Variants in ENPP2 observed in about 807,000 individuals in gnomAD.
The protein encoded by ENPP2 is ectonucleotide pyrophosphatase/phosphodiesterase 2, also known as autotaxin.
In ENPP2, 51 loss-of-function variants were observed where a neutral mutation model predicts 120.2. The ratio of observed to expected loss-of-function variants is 0.42; its 90% CI spans 0.34 to 0.54. The LOEUF is 0.54. Among genes scored for constraint, ENPP2 ranks in the 20% least tolerant of loss-of-function variants. The pLI is 0.04. For missense variants in ENPP2, 920 were observed against 1,066.5 expected (o/e 0.86, Z 1.91); for synonymous variants, 365 against 366.4 (o/e 1.00, Z 0.04).
intron 24 of ENPP2, among the ~76,000 whole-genome samples, chr8:119,561,841 A>G: frequency 6.6e-6 from 1 of 151,346 alleles, no homozygotes; most frequent in Non-Finnish European, 1.5e-5. Context: ...ATGTGTGTGT[A>G]TTAAAAAGTT....
At chr8:119,608,664 G>A (rs1157318625) in intron 8 of ENPP2, among the ~76,000 whole-genome samples, 1 of 152,118 alleles carries the variant, frequency 6.6e-6, no homozygotes, top group African/African-American at 2.4e-5. Context: ...CAGACAGTTT[G>A]GATTTTAAGC....
chr8:119,570,306 T>C (rs1202238655), intron 20 of ENPP2, among the ~76,000 whole-genome samples: 2 of 97,176 alleles, frequency 2.1e-5, no homozygotes, highest in Admixed American at 1.1e-4. Flanking sequence ...ATGCTGATAG[T>C]GGGGGAGGTT....
intron 1 of ENPP2, among the ~76,000 whole-genome samples, chr8:119,660,341 T>C (rs1817885910): frequency 6.6e-6 from 1 of 152,234 alleles, no homozygotes; most frequent in South Asian, 2.1e-4. Context: ...ATAGGTACTA[T>C]CATTATCTGT....
intron 10 of ENPP2, 130 bp from the exon 11 acceptor site, chr8:119,600,880 T>C (rs986264592): frequency 1.9e-5 from 12 of 631,122 alleles, no homozygotes; most frequent in African/African-American, 1.9e-4. Context: ...ACTATTCATG[T>C]TAGCATGAAA....
intron 19 of ENPP2, among the ~76,000 whole-genome samples, chr8:119,579,823 T>C (rs1263278082): frequency 6.6e-6 from 1 of 152,034 alleles, no homozygotes. Flanking sequence ...TTTATAGGAG[T>C]GCCCCACAGT....
At chr8:119,604,792 G>A (rs1342740872) in intron 9 of ENPP2, among the ~76,000 whole-genome samples, 1 of 151,754 alleles carries the variant, frequency 6.6e-6, no homozygotes, top group Non-Finnish European at 1.5e-5. Flanking sequence ...TTTATTTTTT[G>A]AGATGGAGTC....
intron 1 of ENPP2, among the ~76,000 whole-genome samples, chr8:119,655,107 T>A (rs1817730948): frequency 6.6e-6 from 1 of 152,176 alleles, no homozygotes; most frequent in Non-Finnish European, 1.5e-5. Context: ...AGAACACTTG[T>A]CAAGGGTAAG....
At chr8:119,588,892 G>A (rs1430409079) in intron 13 of ENPP2, among the ~76,000 whole-genome samples, 1 of 152,124 alleles carries the variant, frequency 6.6e-6, no homozygotes, top group East Asian at 1.9e-4. Flanking sequence ...TCCTCATTTT[G>A]TGTGAAGAAA....
At position 119,595,989 on chromosome 8, in the gene ENPP2, C is replaced by T. The variant is rs145333587; in HGVS notation, c.973-2129G>A. 5,287 of 1,613,890 alleles carry T rather than the reference C, an allele frequency of 3.3e-3. 102 individuals are homozygous for T. The Admixed American group carries it at 0.036, about 11-fold the overall frequency. On this transcript the variant is annotated intron_variant, in intron 11 of 24. Transcript: ENST00000075322. Reference sequence around the variant, plus strand: ...TCTCTTAGCCGGAGTAAAAGGTGAGCCATAACTACTCTCCTGTACTGGCGG... The same window carrying T: ...TCTCTTAGCCGGAGTAAAAGGTGAGTCATAACTACTCTCCTGTACTGGCGG...
rs149362338 is a variant in ENPP2, at chr8:119,617,296, T to C, written c.578-53A>G. The stretch of plus-strand genomic sequence containing the variant: ...CAAGAGAACCAACAGGAATTGCTTA[T>C]AGAAAATCCATTTTATAAACACTCA... On this transcript the variant is annotated intron_variant, in intron 6 of 24. Coordinates refer to ENST00000075322, the MANE Select transcript of ENPP2 (RefSeq NM_001040092.3). 7.3e-5 allele frequency: 103 copies of C among 1,420,108 alleles called. No homozygotes were observed. The African/African-American group carries it at 1.4e-3, about 19-fold the overall frequency. The allele number at this position is 1,420,108 out of a possible 1,614,324, so 88.0% of individuals were successfully genotyped here.
intron 8 of ENPP2, among the ~76,000 whole-genome samples, chr8:119,614,912 G>A (rs1306836794): frequency 6.6e-6 from 1 of 152,056 alleles, no homozygotes; most frequent in African/African-American, 2.4e-5. Context: ...AAAGACAGCA[G>A]AATCAGAGCA....
chr8:119,587,639 C>T (rs1813208160), intron 13 of ENPP2, among the ~76,000 whole-genome samples: 1 of 152,178 alleles, frequency 6.6e-6, no homozygotes, highest in Non-Finnish European at 1.5e-5. Context: ...CATGCACCTC[C>T]TTTATTTTCA....
intron 22 of ENPP2, among the ~76,000 whole-genome samples, chr8:119,566,421 T>C (rs1163835961): frequency 6.6e-6 from 1 of 152,214 alleles, no homozygotes; most frequent in African/African-American, 2.4e-5. Flanking sequence ...TCAATTGCTC[T>C]TCCTGCCTTC....
At chr8:119,588,742 T>C (rs1164247196) in intron 13 of ENPP2, among the ~76,000 whole-genome samples, 1 of 152,112 alleles carries the variant, frequency 6.6e-6, no homozygotes, top group Non-Finnish European at 1.5e-5. Flanking sequence ...AGTAAGTTCA[T>C]GGTCTTTGAC....
intron 5 of ENPP2, among the ~76,000 whole-genome samples, chr8:119,618,709 T>A (rs2130720693): frequency 6.6e-6 from 1 of 152,010 alleles, no homozygotes; most frequent in South Asian, 2.1e-4. Flanking sequence ...TTTGTATTTT[T>A]TTTTTAGTAG....
intron 18 of ENPP2, 112 bp downstream of exon 18, chr8:119,582,306 A>G: frequency 1.3e-6 from 1 of 790,028 alleles, no homozygotes; most frequent in Non-Finnish European, 2.0e-6. Context: ...AGTAGCTACC[A>G]TTTTGGACAG....
At chr8:119,598,541 ATTT>A (rs1814064099) in intron 11 of ENPP2, among the ~76,000 whole-genome samples, 2 of 152,144 alleles carry the variant, frequency 1.3e-5, no homozygotes, top group South Asian at 4.1e-4. Flanking sequence ...AAAAAAACTT[ATTT>A]GTTTCTTAAT....
chr8:119,623,737 T>G (rs778389641), intron 3 of ENPP2, among the ~76,000 whole-genome samples: 83 of 152,056 alleles, frequency 5.5e-4, no homozygotes, highest in Non-Finnish European at 8.8e-5. Flanking sequence ...GTGATTCTCC[T>G]GACTCAGCTT....
At chr8:119,564,559 T>A (rs1346091738) in intron 23 of ENPP2, among the ~76,000 whole-genome samples, 2 of 151,906 alleles carry the variant, frequency 1.3e-5, no homozygotes, top group Non-Finnish European at 2.9e-5. Flanking sequence ...ATGCCTGTAA[T>A]CCCAGTTACT....
Sources: gnomAD v4.1 joint callset for allele counts (sites outside exome capture counted in the v4.1 genomes callset) on GRCh38, gnomAD v4.1.1 for gene constraint, MANE v1.5 for transcripts, NCBI Gene and HGNC (gene_info 2026-07-23, HGNC 2026-07-21) for gene names.